The following PBOV1 variants were observed in gnomAD, a reference collection of about 807,000 sequenced individuals.
PBOV1 encodes the protein prostate and breast cancer overexpressed 1.
For missense variants in PBOV1, 147 were observed against 151.4 expected, an observed-to-expected ratio of 0.97 and a Z score of 0.15; for synonymous variants, 46 against 55.9, an observed-to-expected ratio of 0.82 and a Z score of 0.79.
In PBOV1 at chr6:138,216,553, A is replaced by C. The variant is rs1236695653; in HGVS notation, c.*1435T>G. 1.3e-5 allele frequency: 2 copies of C among 152,130 alleles called. No homozygotes were observed. Among genetic ancestry groups the C allele is most frequent in the African/African-American group, 4.8e-5 (2 of 41,426 alleles). The allele number at this position is 152,130 out of a possible 1,614,324, so 9.4% of individuals were successfully genotyped here. A position where few individuals can be genotyped will look rare whatever the true frequency, so the allele number is the denominator to read the frequency against. The stretch of plus-strand genomic sequence containing the variant: ...TTAATGGCAGAGTCTTACACTTGGG[A>C]AGTTTCTTCAGATGGTTAGTTTTGA... On this transcript the variant is annotated 3_prime_UTR_variant, in exon 1 of 1. Transcript: ENST00000527246.
In PBOV1 at chr6:138,218,371, T is replaced by G; in HGVS notation, c.25A>C (p.Lys9Gln). Residue 9 changes from lysine to glutamine, a missense_variant, in exon 1 of 1, where the codon AAA becomes CAA. By Grantham distance (53) the Lys-to-Gln change is moderately conservative. Coordinates refer to ENST00000527246, the MANE Select transcript of PBOV1 (RefSeq NM_021635.3). ...ATAATATTGTGCATATCCTCATATT[T>G]CTGGTTCCTTAAGAAGGCCCTCATA... is the stretch of plus-strand genomic sequence containing the variant. MRAFLRNQ[K>Q]YEDMHNIIHI... The G allele has an allele frequency of 6.5e-7, 1 of 1,543,520 alleles. No homozygotes were observed. Among genetic ancestry groups the G allele is most frequent in the Non-Finnish European group, 8.7e-7 (1 of 1,142,896 alleles).
chr6:138,218,046 A>AG, the PBOV1 span: 139,173 of 1,613,418 alleles, frequency 0.086, 8,837 homozygotes, highest in East Asian at 0.36. Context: ...TTCCAGACCT[A>AG]GGGTCTGAGT....
At position 138,218,361 on chromosome 6, in the gene PBOV1, T is replaced by A. The variant is rs930895176; in HGVS notation, c.35A>T (p.Asp12Val). Residue 12 changes from aspartate to valine, a missense_variant, in exon 1 of 1, where the codon GAT becomes GTT. By Grantham distance (152) the Asp-to-Val change is radical. Coordinates refer to ENST00000527246, the MANE Select transcript of PBOV1 (RefSeq NM_021635.3). ...TAAAATGTGAATAATATTGTGCATATCCTCATATTTCTGGTTCCTTAAGAA... is the reference window on the plus strand; with the variant it reads ...TAAAATGTGAATAATATTGTGCATAACCTCATATTTCTGGTTCCTTAAGAA... Reference protein sequence around the residue: ...RAFLRNQKYEDMHNIIHILQI... With the variant: ...RAFLRNQKYEVMHNIIHILQI... The A allele has an allele frequency of 5.2e-6, 8 of 1,546,088 alleles. No individual in the cohort carries two copies. In the African/African-American group the frequency reaches 9.6e-5, roughly 19 times the overall value.
In PBOV1 at chr6:138,218,251, A is replaced by G; in HGVS notation, c.145T>C (p.Cys49Arg). ...LAPETVLLPF[C>R]YKVFRKKEKV... ...TCTTTTTTTCGAAATACCTTGTAGC[A>G]GAATGGTAAGAGCACAGTTTCTGGA... Residue 49 changes from cysteine to arginine, a missense_variant, in exon 1 of 1, where the codon TGC becomes CGC. By Grantham distance (180) the Cys-to-Arg change is radical (BLOSUM62 -3). Coordinates refer to ENST00000527246, the MANE Select transcript of PBOV1 (RefSeq NM_021635.3). 1 of 1,611,896 alleles carries G rather than the reference A, an allele frequency of 6.2e-7. No individual in the cohort carries two copies. The highest frequency in any genetic ancestry group is 8.5e-7 in the Non-Finnish European group (1 of 1,178,794).
rs1777895228 is a variant in PBOV1 at position 138,217,633 on chromosome 6, C to T, written c.*355G>A. ...GGTATACTATAAGTATTGTTTTTAT[C>T]CCTCTGGTGCCTAGCGGAGCATCTG... On this transcript the variant is annotated 3_prime_UTR_variant, in exon 1 of 1. Transcript: ENST00000527246. 1 of 194,814 alleles carries T rather than the reference C, an allele frequency of 5.1e-6. No individual in the cohort carries two copies. Among genetic ancestry groups the T allele is most frequent in the African/African-American group, 2.3e-5 (1 of 42,608 alleles). The allele number at this position is 194,814 out of a possible 1,614,324, so 12.1% of individuals were successfully genotyped here. A position where few individuals can be genotyped will look rare whatever the true frequency, so the allele number is the denominator to read the frequency against.
At position 138,216,953 on chromosome 6, in the gene PBOV1, T is replaced by A. The variant is rs754836429; in HGVS notation, c.*1035A>T. The A allele has an allele frequency of 3.3e-5, 5 of 152,244 alleles. No homozygotes were observed. The highest frequency in any genetic ancestry group is 7.3e-5 in the Non-Finnish European group (5 of 68,034). 9.4% of individuals were successfully genotyped at this position (152,244 alleles called of 1,614,324 possible). A position where few individuals can be genotyped will look rare whatever the true frequency, so the allele number is the denominator to read the frequency against. On this transcript the variant is annotated 3_prime_UTR_variant, in exon 1 of 1. Transcript: ENST00000527246. ...TAAGGTTGAGTGATGAGAATCTTTT[T>A]CTACTTTGCAAACAGACTAATATAA...
Position 138,218,421 on chromosome 6 carries a change from G to A in PBOV1, c.-26C>T, listed in dbSNP as rs573153047. The A allele has an allele frequency of 5.4e-4, 810 of 1,507,496 alleles. 8 individuals carry two copies. The South Asian group carries it at 9.8e-3, about 18-fold the overall frequency. The allele number at this position is 1,507,496 out of a possible 1,614,324, so 93.4% of individuals were successfully genotyped here. On this transcript the variant is annotated 5_prime_UTR_variant, in exon 1 of 1. Coordinates refer to ENST00000527246, the MANE Select transcript of PBOV1 (RefSeq NM_021635.3). ...ATTTACTACTGTAAATTGAATTGTA[G>A]CTCTGTAGCATAGAAGAATAATTTT...
chr6:138,218,039 C>T lies in PBOV1; in HGVS notation c.357G>A (p.Leu119=), dbSNP rs1311651738. The T allele has an allele frequency of 2.5e-6, 4 of 1,610,210 alleles. No homozygotes were observed. The highest frequency in any genetic ancestry group is 1.7e-5 in the Admixed American group (1 of 59,540). Residue 119 remains leucine, a synonymous_variant, in exon 1 of 1, where the codon CTG becomes CTA. Coordinates refer to ENST00000527246, the MANE Select transcript of PBOV1 (RefSeq NM_021635.3). ...TGGATAAGTAGAGAAGACAGCATTC[C>T]AGACCTAGGGTCTGAGTTAACTGCA... ...LTLQLTQTLG[L]ECCLLYLSKT...
At position 138,217,856 on chromosome 6, in the gene PBOV1, A is replaced by G; in HGVS notation, c.*132T>C. ...ATTGAAATAACCTCCTACATCATCA[A>G]ATTCTTTTCATAAGTAAATTGAAGT... On this transcript the variant is annotated 3_prime_UTR_variant, in exon 1 of 1. Coordinates refer to ENST00000527246, the MANE Select transcript of PBOV1 (RefSeq NM_021635.3). The G allele has an allele frequency of 7.7e-7, 1 of 1,304,916 alleles. No individual in the cohort carries two copies. Among genetic ancestry groups the G allele is most frequent in the Non-Finnish European group, 1.0e-6 (1 of 974,670 alleles). The allele number at this position is 1,304,916 out of a possible 1,614,324, so 80.8% of individuals were successfully genotyped here. A position where few individuals can be genotyped will look rare whatever the true frequency, so the allele number is the denominator to read the frequency against.
rs890365028 is a variant in PBOV1 at position 138,217,097 on chromosome 6, C to T, written c.*891G>A. On this transcript the variant is annotated 3_prime_UTR_variant, in exon 1 of 1. Coordinates refer to ENST00000527246, the MANE Select transcript of PBOV1 (RefSeq NM_021635.3). ...TTGAAAGCCTGGAGATGTGATTTTC[C>T]TTTAAATAGTTTATGCATTATTTTT... 6.6e-6 allele frequency: 1 copy of T among 152,162 alleles called. No homozygotes were observed. The highest frequency in any genetic ancestry group is 2.4e-5 in the African/African-American group (1 of 41,430). 9.4% of individuals were successfully genotyped at this position (152,162 alleles called of 1,614,324 possible).
chr6:138,218,125 T>G lies in PBOV1; in HGVS notation c.271A>C (p.Lys91Gln). ...LTPLQTHLTM[K>Q]GSSMKCSSLS... ...GAGGAACATTTCATTGAGGAACCTT[T>G]CATGGTCAAGTGTGTCTGCAAGGGT... The change falls in exon 1 of 1, where the codon AAA becomes CAA. Residue 91 changes from lysine (K) to glutamine (Q), a missense_variant. Coordinates refer to ENST00000527246, the MANE Select transcript of PBOV1 (RefSeq NM_021635.3). 1 of 1,613,994 alleles carries G rather than the reference T, an allele frequency of 6.2e-7. No individual in the cohort carries two copies. The highest frequency in any genetic ancestry group is 8.5e-7 in the Non-Finnish European group (1 of 1,179,852).
At position 138,218,281 on chromosome 6, in the gene PBOV1, G is replaced by T. The variant is rs144182876; in HGVS notation, c.115C>A (p.Leu39Ile). ...LSNFPRLPGI[L>I]APETVLLPFC... ...GGTAAGAGCACAGTTTCTGGAGCTA[G>T]AATGCCTGGTAGCCTTGGGAAGTTA... The change falls in exon 1 of 1, where the codon CTA (leucine) becomes ATA (isoleucine). Residue 39 changes from leucine to isoleucine, a missense_variant. Coordinates refer to ENST00000527246, the MANE Select transcript of PBOV1 (RefSeq NM_021635.3). 107 of 1,601,994 alleles carry T rather than the reference G, an allele frequency of 6.7e-5. 1 individual carries two copies. Among genetic ancestry groups the T allele is most frequent in the Non-Finnish European group, 4.8e-5 (56 of 1,173,630 alleles).
chr6:138,218,399 T>G lies in PBOV1; in HGVS notation c.-4A>C. ...GGTTCCTTAAGAAGGCCCTCATATT[T>G]ACTACTGTAAATTGAATTGTAGCTC... On this transcript the variant is annotated 5_prime_UTR_variant, in exon 1 of 1. Coordinates refer to ENST00000527246, the MANE Select transcript of PBOV1 (RefSeq NM_021635.3). The G allele has an allele frequency of 6.5e-7, 1 of 1,529,886 alleles. No individual in the cohort carries two copies. The highest frequency in any genetic ancestry group is 8.8e-7 in the Non-Finnish European group (1 of 1,138,208). The allele number at this position is 1,529,886 out of a possible 1,614,324, so 94.8% of individuals were successfully genotyped here. A position where few individuals can be genotyped will look rare whatever the true frequency, so the allele number is the denominator to read the frequency against.
At position 138,218,149 on chromosome 6, in the gene PBOV1, G is replaced by C. The variant is rs778010258; in HGVS notation, c.247C>G (p.Pro83Ala). Reference sequence around the variant, plus strand: ...TTCATGGTCAAGTGTGTCTGCAAGGGTGTGAGAATTGCATGGTGTGACTGT... The same window carrying C: ...TTCATGGTCAAGTGTGTCTGCAAGGCTGTGAGAATTGCATGGTGTGACTGT... Reference protein sequence around the residue: ...IEQSHHAILTPLQTHLTMKGS... With the variant: ...IEQSHHAILTALQTHLTMKGS... Residue 83 changes from proline (P) to alanine (A), a missense_variant, in exon 1 of 1, where the codon CCC (proline) becomes GCC (alanine). By Grantham distance (27) the Pro-to-Ala change is conservative. Coordinates refer to ENST00000527246, the MANE Select transcript of PBOV1 (RefSeq NM_021635.3). 1.9e-6 allele frequency: 3 copies of C among 1,613,964 alleles called. No homozygotes were observed. The highest frequency in any genetic ancestry group is 1.7e-6 in the Non-Finnish European group (2 of 1,179,852).
In PBOV1 at chr6:138,217,648, C is replaced by T. The variant is rs6926981; in HGVS notation, c.*340G>A. ...TTGTTTTTATCCCTCTGGTGCCTAG[C>T]GGAGCATCTGGCACATGGCTTACTA... On this transcript the variant is annotated 3_prime_UTR_variant, in exon 1 of 1. Coordinates refer to ENST00000527246, the MANE Select transcript of PBOV1 (RefSeq NM_021635.3). 4,546 of 216,414 alleles carry T rather than the reference C, an allele frequency of 0.021. 241 individuals are homozygous for T. Among genetic ancestry groups the T allele is most frequent in the African/African-American group, 0.1 (4,336 of 43,372 alleles). The allele number at this position is 216,414 out of a possible 1,614,324, so 13.4% of individuals were successfully genotyped here.
rs775726606 is a variant in PBOV1 at position 138,218,265 on chromosome 6, A to G, written c.131T>C (p.Val44Ala). 1 of 1,609,326 alleles carries G rather than the reference A, an allele frequency of 6.2e-7. No individual in the cohort carries two copies. Among genetic ancestry groups the G allele is most frequent in the South Asian group, 1.1e-5 (1 of 90,586 alleles). The change falls in exon 1 of 1, where the codon GTG (valine) becomes GCG (alanine). Residue 44 changes from valine to alanine, a missense_variant. Physicochemically the swap from Val to Ala is moderately conservative, Grantham distance 64. Transcript: ENST00000527246. ...RLPGILAPETVLLPFCYKVFR... is the reference protein window; with the variant it reads ...RLPGILAPETALLPFCYKVFR... The stretch of plus-strand genomic sequence containing the variant: ...TACCTTGTAGCAGAATGGTAAGAGC[A>G]CAGTTTCTGGAGCTAGAATGCCTGG...
In PBOV1 at chr6:138,217,863, T is replaced by A. The variant is rs913868037; in HGVS notation, c.*125A>T. 7.5e-7 allele frequency: 1 copy of A among 1,332,256 alleles called. No homozygotes were observed. Among genetic ancestry groups the A allele is most frequent in the African/African-American group, 1.5e-5 (1 of 68,064 alleles). The allele number at this position is 1,332,256 out of a possible 1,614,324, so 82.5% of individuals were successfully genotyped here. The stretch of plus-strand genomic sequence containing the variant: ...TAACCTCCTACATCATCAAATTCTT[T>A]TCATAAGTAAATTGAAGTTGGAATG... On this transcript the variant is annotated 3_prime_UTR_variant, in exon 1 of 1. Coordinates refer to ENST00000527246, the MANE Select transcript of PBOV1 (RefSeq NM_021635.3).
chr6:138,217,984 G>A lies in PBOV1; in HGVS notation c.*4C>T. On this transcript the variant is annotated 3_prime_UTR_variant, in exon 1 of 1. Transcript: ENST00000527246. Reference sequence around the variant, plus strand: ...TGGAAAGGCTTTGCAGCAGGGCTGAGAGTTTATATGATCTGTGGATGTATA... The same window carrying A: ...TGGAAAGGCTTTGCAGCAGGGCTGAAAGTTTATATGATCTGTGGATGTATA... 1.9e-6 allele frequency: 3 copies of A among 1,600,116 alleles called. No homozygotes were observed. Among genetic ancestry groups the A allele is most frequent in the African/African-American group, 1.3e-5 (1 of 74,638 alleles).
rs962388897 is a variant in PBOV1, at chr6:138,217,860, C to G, written c.*128G>C. The G allele has an allele frequency of 7.6e-7, 1 of 1,315,812 alleles. No homozygotes were observed. Among genetic ancestry groups the G allele is most frequent in the Admixed American group, 2.9e-5 (1 of 34,126 alleles). The allele number at this position is 1,315,812 out of a possible 1,614,324, so 81.5% of individuals were successfully genotyped here. On this transcript the variant is annotated 3_prime_UTR_variant, in exon 1 of 1. Transcript: ENST00000527246. ...AAATAACCTCCTACATCATCAAATT[C>G]TTTTCATAAGTAAATTGAAGTTGGA...
Sources: allele counts gnomAD v4.1 joint callset, GRCh38; gene constraint gnomAD v4.1.1; transcripts MANE v1.5; gene names NCBI Gene and HGNC (gene_info 2026-07-23, HGNC 2026-07-21).